The following LAMA5 variants were observed in gnomAD, a reference collection of about 807,000 sequenced individuals.
LAMA5 encodes the protein laminin subunit alpha 5, also known as laminin subunit alpha-5.
Under a neutral mutation model 433.4 loss-of-function variants are expected in LAMA5, and 260 were observed. The observed-to-expected ratio is 0.60, with a 90% CI of 0.54 to 0.66. The LOEUF is 0.66. LAMA5 is among the 30% of genes least tolerant of loss of function. The pLI is 0.00. For missense variants in LAMA5, 5,378 were observed against 5,258.5 expected (o/e 1.02, Z -0.70); for synonymous variants, 2,620 against 2,226.6 (o/e 1.18, Z -4.97).
At chr20:62,309,906 A>G in intron 78 of LAMA5, 71 bp from the exon 79 acceptor site, 2 of 1,605,534 alleles carry the variant, frequency 1.2e-6, no homozygotes, top group Non-Finnish European at 1.7e-6. Flanking sequence ...AAAAGAAGCC[A>G]CCCCACCCAG....
At position 62,320,612 on chromosome 20, in the gene LAMA5, G is replaced by A. The variant is rs773489631; in HGVS notation, c.6706C>T (p.Leu2236=). The A allele has an allele frequency of 6.2e-7, 1 of 1,608,354 alleles. No homozygotes were observed. Among genetic ancestry groups the A allele is most frequent in the South Asian group, 1.1e-5 (1 of 90,810 alleles). Residue 2236 remains leucine, a synonymous_variant, in exon 50 of 80, where the codon CTG becomes TTG. Coordinates refer to ENST00000252999, the MANE Select transcript of LAMA5 (RefSeq NM_005560.6). ...RHETAQQLEV[L]EQQSTSLGQD... ...CCGAGGCTTGTGCTCTGCTGCTCCA[G>A]CACCTCCAGCTGCTGTGCCGTCTCA...
rs1981632074 is a variant in LAMA5 at position 62,336,381 on chromosome 20, C to G, written c.2282G>C (p.Gly761Ala). Residue 761 changes from glycine (G) to alanine (A), a missense_variant, in exon 18 of 80, where the codon GGG (glycine) becomes GCG (alanine). Physicochemically the swap from Gly to Ala is moderately conservative, Grantham distance 60 (BLOSUM62 0). Transcript: ENST00000252999. ...EGPSCDRCKP[G>A]FWGLSPSNPE... Reference sequence around the variant, plus strand: ...GTTGCTGGGGCTCAGTCCCCAGAACCCAGGTTTGCAGCGGTCACAGCTCGG... The same window carrying G: ...GTTGCTGGGGCTCAGTCCCCAGAACGCAGGTTTGCAGCGGTCACAGCTCGG... 1 of 1,612,462 alleles carries G rather than the reference C, an allele frequency of 6.2e-7. No individual in the cohort carries two copies. The highest frequency in any genetic ancestry group is 1.3e-5 in the African/African-American group (1 of 74,928).
chr20:62,328,729 G>GC (rs1193460694), intron 34 of LAMA5, 115 bp downstream of exon 34: 1 of 1,094,068 alleles, frequency 9.1e-7, no homozygotes, highest in Non-Finnish European at 1.3e-6. Flanking sequence ...GGGCAGCAAT[G>GC]CTGCCCTGCC....
At position 62,317,416 on chromosome 20, in the gene LAMA5, GC is replaced by G; in HGVS notation, c.7439del (p.Ser2480ThrfsTer5). On this transcript the variant is annotated frameshift_variant, in exon 55 of 80. Transcript: ENST00000252999. LOFTEE classifies it high-confidence loss of function. ...QRMQTFSPAG[S>X]KLRLVEAAEA... is the part of the protein sequence containing the mutation. ...CGGCGGCCTCCACTAGACGCAGCTTGCTGCCCGCCGGGGAGAAGGTCTGCAT... is the reference window on the plus strand; with the variant it reads ...CGGCGGCCTCCACTAGACGCAGCTTGTGCCCGCCGGGGAGAAGGTCTGCAT... 2 of 1,607,572 alleles carry G rather than the reference GC, an allele frequency of 1.2e-6. No individual in the cohort carries two copies. Among genetic ancestry groups the G allele is most frequent in the Non-Finnish European group, 1.7e-6 (2 of 1,177,400 alleles).
In LAMA5 at chr20:62,337,612, G is replaced by A. The variant is rs764019015; in HGVS notation, c.2142C>T (p.Ala714=). The change falls in exon 16 of 80, where the codon GCC becomes GCT. Residue 714 remains alanine (A), a synonymous_variant. Coordinates refer to ENST00000252999, the MANE Select transcript of LAMA5 (RefSeq NM_005560.6). ...CACCTTCGCAGTAGGGGAAGTTGTA[G>A]GCACCGGGCACACATGTGTCACACC... ...GLRCDTCVPG[A]YNFPYCEAGS... The A allele has an allele frequency of 9.3e-6, 15 of 1,610,614 alleles. No individual in the cohort carries two copies. The highest frequency in any genetic ancestry group is 1.2e-5 in the Non-Finnish European group (14 of 1,179,048).
chr20:62,319,894 A>G (rs1267071974), intron 50 of LAMA5, 99 bp from the exon 51 acceptor site: 1 of 832,820 alleles, frequency 1.2e-6, no homozygotes, highest in Non-Finnish European at 1.9e-6. Context: ...GGTCCCAGGG[A>G]AGAGGGGCCC....
At position 62,309,805 on chromosome 20, in the gene LAMA5, T is replaced by C; in HGVS notation, c.10859A>G (p.Glu3620Gly). Residue 3620 changes from glutamate (E) to glycine (G), a missense_variant, in exon 79 of 80, where the codon GAG (glutamate) becomes GGG (glycine). Physicochemically the swap from Glu to Gly is moderately conservative, Grantham distance 98. Coordinates refer to ENST00000252999, the MANE Select transcript of LAMA5 (RefSeq NM_005560.6). ...GGTGTGGTTGCTCTGCGCGTCCACC[T>C]CCAGCCGGAGCACATTCCCGCTTTT... is the stretch of plus-strand genomic sequence containing the variant. ...VMKSGNVLRL[E>G]VDAQSNHTVG... 1 of 1,610,996 alleles carries C rather than the reference T, an allele frequency of 6.2e-7. No individual in the cohort carries two copies. Among genetic ancestry groups the C allele is most frequent in the East Asian group, 2.2e-5 (1 of 44,834 alleles).
In LAMA5 at chr20:62,314,940, G is replaced by A. The variant is rs754073940; in HGVS notation, c.8055C>T (p.Thr2685=). 2 of 1,600,262 alleles carry A rather than the reference G, an allele frequency of 1.2e-6. No individual in the cohort carries two copies. The highest frequency in any genetic ancestry group is 1.3e-5 in the African/African-American group (1 of 74,846). ...GCAGCTGGGGCAGCGTCTTCTCCAG[G>A]GTGGACACTGCAGAGAGGGAGACCT... ...AVLDAGHSVS[T]LEKTLPQLLA... Residue 2685 remains threonine, a synonymous_variant, in exon 60 of 80, where the codon ACC becomes ACT. Transcript: ENST00000252999.
chr20:62,326,394 G>A, intron 40 of LAMA5: 1 of 367,878 alleles, frequency 2.7e-6, no homozygotes, highest in East Asian at 4.3e-5. Context: ...GATGCTAACA[G>A]GCAGTGCATG....
intron 62 of LAMA5, 151 bp from the exon 63 acceptor site, chr20:62,313,953 A>AGAT (rs1986622729): frequency 1.9e-6 from 1 of 514,924 alleles, no homozygotes; most frequent in African/African-American, 3.8e-5. Flanking sequence ...GGGCATGGAG[A>AGAT]GACGGGTGGC....
chr20:62,318,349 GGAGGGGAGGACGAGGGGAGGGGA>G, intron 53 of LAMA5, 82 bp downstream of exon 53: 1 of 567,080 alleles, frequency 1.8e-6, no homozygotes, highest in Non-Finnish European at 3.1e-6. Flanking sequence ...GAGGACGGAG[GGAGGGGAGGACGAGGGGAGGGGA>G]GGGGAGGAGC....
intron 11 of LAMA5, 63 bp from the exon 12 acceptor site, chr20:62,338,671 G>A (rs1320945900): frequency 7.4e-6 from 11 of 1,485,462 alleles, no homozygotes; most frequent in South Asian, 1.2e-5. Flanking sequence ...CGCCCCTCCT[G>A]GCAAACCTTC....
rs969227078 is a variant in LAMA5 at position 62,316,140 on chromosome 20, G to A, written c.7757-82C>T. ...GCCCACCTCCACCCTTCTGACCCCA[G>A]GAGGACCAAGGCTGACACACAGCAG... On this transcript the variant is annotated intron_variant, in intron 57 of 79. Transcript: ENST00000252999. The A allele has an allele frequency of 3.3e-6, 3 of 910,290 alleles. No individual in the cohort carries two copies. In the African/African-American group the frequency reaches 4.9e-5, roughly 15 times the overall value. 56.4% of individuals were successfully genotyped at this position (910,290 alleles called of 1,614,324 possible).
At chr20:62,357,807 A>G (rs985492594) in intron 2 of LAMA5, among the ~76,000 whole-genome samples, 1 of 152,142 alleles carries the variant, frequency 6.6e-6, no homozygotes, top group Non-Finnish European at 1.5e-5. Flanking sequence ...GAGGGAGAGG[A>G]TGGGTTCCCA....
rs758582738 is a variant in LAMA5 at position 62,324,152 on chromosome 20, A to C, written c.5696T>G (p.Phe1899Cys). The C allele has an allele frequency of 4.5e-6, 7 of 1,555,050 alleles. No individual in the cohort carries two copies. Among genetic ancestry groups the C allele is most frequent in the Non-Finnish European group, 6.0e-6 (7 of 1,159,436 alleles). ...GAHCERCQAG[F>C]VSSRDDPSAP... Reference sequence around the variant, plus strand: ...GCTGGGGTCGTCCCTGCTGCTCACGAAGCCAGCCTGGCAGCGCTCACAGTG... The same window carrying C: ...GCTGGGGTCGTCCCTGCTGCTCACGCAGCCAGCCTGGCAGCGCTCACAGTG... Residue 1899 changes from phenylalanine to cysteine, a missense_variant, in exon 43 of 80, where the codon TTC (phenylalanine) becomes TGC (cysteine). Transcript: ENST00000252999. The surrounding 1 kb of genome is among the most constrained non-coding windows in gnomAD (Gnocchi z 4.4).
chr20:62,367,174 C>A lies in LAMA5; in HGVS notation c.72G>T (p.Leu24=), dbSNP rs1329691252. 3.4e-5 allele frequency: 42 copies of A among 1,242,100 alleles called. No homozygotes were observed. Among genetic ancestry groups the A allele is most frequent in the Non-Finnish European group, 4.1e-5 (41 of 996,384 alleles). 76.9% of individuals were successfully genotyped at this position (1,242,100 alleles called of 1,614,324 possible). The change falls in exon 1 of 80, where the codon CTG becomes CTT. Residue 24 remains leucine, a synonymous_variant. Coordinates refer to ENST00000252999, the MANE Select transcript of LAMA5 (RefSeq NM_005560.6). ...RGPRGPAPLL[L]VGLALLGAAR... Reference sequence around the variant, plus strand: ...CCGCGCCCAGCAGCGCCAGCCCGACCAGCAGCAGCGGCGCGGGGCCCCGGG... The same window carrying A: ...CCGCGCCCAGCAGCGCCAGCCCGACAAGCAGCAGCGGCGCGGGGCCCCGGG...
chr20:62,317,631 G>A, intron 54 of LAMA5, 31 bp downstream of exon 54: 3 of 1,528,278 alleles, frequency 2.0e-6, no homozygotes, highest in Non-Finnish European at 2.7e-6. Context: ...CCGTGGATGG[G>A]GTGGCGACAG....
intron 1 of LAMA5, among the ~76,000 whole-genome samples, chr20:62,363,540 C>T (rs188791002): frequency 3.2e-4 from 48 of 152,074 alleles, no homozygotes; most frequent in Middle Eastern, 6.8e-3. Context: ...TGCTGGGAGC[C>T]GGGGCAGGGA....
At chr20:62,331,340 G>A (rs549547589) in intron 28 of LAMA5, among the ~76,000 whole-genome samples, 16 of 149,530 alleles carry the variant, frequency 1.1e-4, no homozygotes, top group African/African-American at 2.7e-4. Flanking sequence ...TGGGGGGGCC[G>A]GTCACACAGC....
Sources: gnomAD v4.1 joint callset for allele counts (sites outside exome capture counted in the v4.1 genomes callset) on GRCh38, gnomAD v4.1.1 for gene constraint, Gnocchi (gnomAD v3.1) non-coding constraint, MANE v1.5 for transcripts, NCBI Gene and HGNC (gene_info 2026-07-23, HGNC 2026-07-21) for gene names.